ZNF622: variants seen among roughly 807,000 people sequenced by gnomAD.
ZNF622 encodes the protein zinc finger protein 622, also known as cytoplasmic 60S subunit biogenesis factor ZNF622.
ZNF622 carries 34 observed loss-of-function variants against 49.7 expected under a neutral mutation model. The ratio of observed to expected loss-of-function variants is 0.68; its 90% CI spans 0.52 to 0.91. ZNF622 has a LOEUF of 0.91. ZNF622 is among the 40% of genes least tolerant of loss of function. The pLI is 0.00. For missense variants in ZNF622, 569 were observed against 616.4 expected, an observed-to-expected ratio of 0.92 and a Z score of 0.81; for synonymous variants, 209 against 228.7, an observed-to-expected ratio of 0.91 and a Z score of 0.78.
rs191617197 is a variant in ZNF622 at position 16,453,869 on chromosome 5, C to A, written c.1163-713G>T. On this transcript the variant is annotated intron_variant, in intron 4 of 5. Transcript: ENST00000308683. The stretch of plus-strand genomic sequence containing the variant: ...ACATGCACAGGACAGCCCCCCATAA[C>A]AAAGAATTATTCAGTCCAAAATGTC... Among the ~76,000 whole-genome samples, 738 of 152,122 alleles carry A rather than the reference C, an allele frequency of 4.9e-3. 9 individuals are homozygous for A. The highest frequency in any genetic ancestry group is 0.017 in the African/African-American group (706 of 41,504).
chr5:16,458,987 G>A (rs531972035), intron 3 of ZNF622, among the ~76,000 whole-genome samples: 22 of 152,280 alleles, frequency 1.4e-4, no homozygotes, highest in Admixed American at 9.2e-4. Flanking sequence ...GACAGAAAAC[G>A]TTCTATCAAT....
At chr5:16,457,094 AT>A (rs998697523) in intron 4 of ZNF622, among the ~76,000 whole-genome samples, 2 of 152,186 alleles carry the variant, frequency 1.3e-5, no homozygotes, top group African/African-American at 4.8e-5. Flanking sequence ...AGTTTCAAAA[AT>A]TTAAAGTCTA....
At chr5:16,454,729 C>T (rs1440780335) in intron 4 of ZNF622, among the ~76,000 whole-genome samples, 1 of 152,146 alleles carries the variant, frequency 6.6e-6, no homozygotes, top group East Asian at 1.9e-4. Context: ...CAGCCACGCT[C>T]AACTGTGTAG....
intron 4 of ZNF622, among the ~76,000 whole-genome samples, chr5:16,453,559 TTA>T (rs58965299): frequency 0.022 from 1,475 of 66,864 alleles, 11 homozygotes; most frequent in East Asian, 0.041. Flanking sequence ...TAAATAAAAA[TTA>T]TATATATATA....
chr5:16,461,143 G>A (rs747621658), intron 3 of ZNF622, among the ~76,000 whole-genome samples: 5 of 152,302 alleles, frequency 3.3e-5, no homozygotes, highest in East Asian at 1.9e-4. Context: ...ATATCTAAGC[G>A]AATACTATAA....
chr5:16,454,136 C>T (rs571669689), intron 4 of ZNF622, among the ~76,000 whole-genome samples: 66 of 152,142 alleles, frequency 4.3e-4, no homozygotes, highest in African/African-American at 1.5e-3. Context: ...CATAGGCCCA[C>T]TAACTTGTAA....
At chr5:16,458,719 T>C (rs1738073874) in intron 3 of ZNF622, 90 bp from the exon 4 acceptor site, 2 of 897,344 alleles carry the variant, frequency 2.2e-6, no homozygotes, top group Admixed American at 2.8e-5. Context: ...GCAAACTTCC[T>C]AAGCTACCTA....
chr5:16,463,553 G>A lies in ZNF622; in HGVS notation c.815C>T (p.Thr272Ile). Residue 272 changes from threonine (T) to isoleucine (I), a missense_variant, in exon 2 of 6, where the codon ACC becomes ATC. By Grantham distance (89) the Thr-to-Ile change is moderately conservative. Coordinates refer to ENST00000308683, the MANE Select transcript of ZNF622 (RefSeq NM_033414.3). This position sits in a 1 kb window ranked among gnomAD's most constrained non-coding sequence, Gnocchi z 4.2. ...AGGAATAAAGAAACTGTGGTCTTTG[G>A]TCATGTGAGCCACATTCTTCATCAG... Reference protein sequence around the residue: ...SSLMKNVAHMTKDHSFFIPDI... With the variant: ...SSLMKNVAHMIKDHSFFIPDI... 6.2e-7 allele frequency: 1 copy of A among 1,614,144 alleles called. No individual in the cohort carries two copies. The highest frequency in any genetic ancestry group is 8.5e-7 in the Non-Finnish European group (1 of 1,180,012).
chr5:16,458,810 G>C (rs1738076048), intron 3 of ZNF622, among the ~76,000 whole-genome samples, 181 bp from the exon 4 acceptor site: 3 of 152,234 alleles, frequency 2.0e-5, no homozygotes, highest in Non-Finnish European at 4.4e-5. Context: ...CATTTTGTCT[G>C]TAGTAGAAAT....
chr5:16,463,282 A>G lies in ZNF622; in HGVS notation c.887-12T>C. The G allele has an allele frequency of 6.3e-7, 1 of 1,583,544 alleles. No individual in the cohort carries two copies. The highest frequency in any genetic ancestry group is 8.5e-7 in the Non-Finnish European group (1 of 1,170,788). On this transcript the variant is annotated splice_polypyrimidine_tract_variant and intron_variant, in intron 2 of 5. Transcript: ENST00000308683. This position sits in a 1 kb window ranked among gnomAD's most constrained non-coding sequence, Gnocchi z 4.2. ...ACCAACTTTCTCTCCTAGAAAAATA[A>G]TTTAAGGAAAAAATATGAAAAAAGC...
At chr5:16,452,714 C>G (rs1169967555) in intron 5 of ZNF622, among the ~76,000 whole-genome samples, 1 of 152,306 alleles carries the variant, frequency 6.6e-6, no homozygotes, top group Admixed American at 6.5e-5. Context: ...CTCTGCATAA[C>G]CTCCAGGATA....
chr5:16,458,467 C>T, intron 4 of ZNF622, 50 bp downstream of exon 4: 2 of 1,252,812 alleles, frequency 1.6e-6, no homozygotes, highest in East Asian at 2.3e-5. Flanking sequence ...ATATGCTTCT[C>T]CCTCAATCCC....
At chr5:16,460,022 G>T (rs1738098542) in intron 3 of ZNF622, among the ~76,000 whole-genome samples, 1 of 152,114 alleles carries the variant, frequency 6.6e-6, no homozygotes, top group African/African-American at 2.4e-5. Context: ...ATCCATGGGG[G>T]ATTGCTTCCA....
intron 1 of ZNF622, among the ~76,000 whole-genome samples, chr5:16,464,255 A>G (rs1252115388): frequency 6.6e-6 from 1 of 151,114 alleles, no homozygotes; most frequent in African/African-American, 2.4e-5. Context: ...TTAGGCAAGC[A>G]CTAATCCTGA....
At chr5:16,456,380 C>A (rs1305664441) in intron 4 of ZNF622, among the ~76,000 whole-genome samples, 1 of 152,206 alleles carries the variant, frequency 6.6e-6, no homozygotes, top group Non-Finnish European at 1.5e-5. Flanking sequence ...AAAAACCTTG[C>A]CAGACCACAA....
At chr5:16,452,559 T>A (rs1191933163) in intron 5 of ZNF622, among the ~76,000 whole-genome samples, 1 of 152,208 alleles carries the variant, frequency 6.6e-6, no homozygotes, top group Non-Finnish European at 1.5e-5. Context: ...CTTATTACTA[T>A]CATCTCTGTT....
intron 3 of ZNF622, among the ~76,000 whole-genome samples, chr5:16,459,332 C>G (rs1431136485): frequency 1.3e-5 from 2 of 152,070 alleles, no homozygotes; most frequent in Non-Finnish European, 2.9e-5. Context: ...AAAAAGATAT[C>G]CAAATGGCCA....
intron 5 of ZNF622, 86 bp from the exon 6 acceptor site, chr5:16,451,870 G>A (rs1737940414): frequency 1.3e-6 from 2 of 1,511,914 alleles, no homozygotes; most frequent in Non-Finnish European, 1.8e-6. Flanking sequence ...GAATTCAAAA[G>A]GTTAGTTTGG....
chr5:16,453,558 A>ATTATATATATATATAAAAATAAAAATT (rs1737968506), intron 4 of ZNF622, among the ~76,000 whole-genome samples: 1 of 39,336 alleles, frequency 2.5e-5, no homozygotes, highest in African/African-American at 8.3e-5. Context: ...ATAAATAAAA[A>ATTATATATATATATAAAAATAAAAATT]TTATATATAT....
Sources: allele counts gnomAD v4.1 joint callset (sites outside exome capture counted in the v4.1 genomes callset), GRCh38; gene constraint gnomAD v4.1.1; non-coding constraint Gnocchi (gnomAD v3.1); transcripts MANE v1.5; gene names NCBI Gene and HGNC (gene_info 2026-07-23, HGNC 2026-07-21).